Variants in EIPR1 observed in about 807,000 individuals in gnomAD.
The protein encoded by EIPR1 is EARP complex and GARP complex interacting protein 1.
In EIPR1, 25 loss-of-function variants were observed where a neutral mutation model predicts 48.1. The observed-to-expected ratio is 0.52, with a 90% CI of 0.38 to 0.73. EIPR1 has a LOEUF of 0.73. Among genes scored for constraint, EIPR1 ranks in the 30% least tolerant of loss-of-function variants. The pLI is 0.00. For synonymous variants in EIPR1, 204 were observed against 201.9 expected (o/e 1.01, Z -0.09); for missense variants, 415 against 506.2 (o/e 0.82, Z 1.73).
chr2:3,251,461 A>G (rs1274269460), intron 4 of EIPR1, among the ~76,000 whole-genome samples: 1 of 152,232 alleles, frequency 6.6e-6, no homozygotes, highest in African/African-American at 2.4e-5. Flanking sequence ...AAAGAATCCG[A>G]GGCCCCACAA....
intron 3 of EIPR1, among the ~76,000 whole-genome samples, chr2:3,284,133 A>T (rs1269162564): frequency 6.6e-6 from 1 of 151,722 alleles, no homozygotes; most frequent in Non-Finnish European, 1.5e-5. Flanking sequence ...AGGTGGGCAC[A>T]TGGAGATGGG....
intron 1 of EIPR1, among the ~76,000 whole-genome samples, chr2:3,360,415 A>AAAAGAAAG (rs540894721): frequency 2.7e-5 from 4 of 150,148 alleles, no homozygotes; most frequent in African/African-American, 9.8e-5. Flanking sequence ...AAAAAAAAAA[A>AAAAGAAAG]AAAGAAAGAA....
Position 3,237,221 on chromosome 2 carries a change from TACACACACACACACACAC to T in EIPR1, c.416+20060_416+20077del, listed in dbSNP as rs35498711. 2.0e-3 allele frequency among the ~76,000 whole-genome samples: 260 copies of T among 127,840 alleles called. 1 individual carries two copies. The highest frequency in any genetic ancestry group is 4.2e-3 in the Middle Eastern group (1 of 236). The allele number at this position is 127,840 out of a possible 152,430, so 83.9% of individuals were successfully genotyped here. A position where few individuals can be genotyped will look rare whatever the true frequency, so the allele number is the denominator to read the frequency against. On this transcript the variant is annotated intron_variant, in intron 4 of 8. Transcript: ENST00000382125. ...CAGGATTAAGCTGTATTTTGAAAAC[TACACACACACACACACAC>T]ACACACACACACACACACACACACA...
chr2:3,295,565 C>A (rs4854172), intron 3 of EIPR1, among the ~76,000 whole-genome samples: 11,578 of 74,290 alleles, frequency 0.16, 1,338 homozygotes, highest in Non-Finnish European at 0.17. Context: ...CATCCTCTCT[C>A]CACACACACA....
At chr2:3,295,655 CG>C (rs1668548042) in intron 3 of EIPR1, among the ~76,000 whole-genome samples, 1 of 136,228 alleles carries the variant, frequency 7.3e-6, no homozygotes, top group African/African-American at 2.9e-5. Flanking sequence ...CCATCCAGCC[CG>C]TCCTCTCTAC....
chr2:3,283,812 G>A (rs1402583027), intron 3 of EIPR1, among the ~76,000 whole-genome samples: 3 of 151,994 alleles, frequency 2.0e-5, no homozygotes, highest in South Asian at 2.1e-4. Context: ...GCGTGGTGGC[G>A]GCTGTCTGTA....
rs559486919 is a variant in EIPR1, at chr2:3,216,253, T to C, written c.417-2005A>G. Among the ~76,000 whole-genome samples, 4 of 152,288 alleles carry C rather than the reference T, an allele frequency of 2.6e-5. No homozygotes were observed. The East Asian group carries it at 7.7e-4, about 29-fold the overall frequency. On this transcript the variant is annotated intron_variant, in intron 4 of 8. Coordinates refer to ENST00000382125, the MANE Select transcript of EIPR1 (RefSeq NM_003310.5). Reference sequence around the variant, plus strand: ...TACCCCATGCGGGACATTTTCTATATGACGGGCAGTAAATTTCCATGGATT... The same window carrying C: ...TACCCCATGCGGGACATTTTCTATACGACGGGCAGTAAATTTCCATGGATT...
chr2:3,225,816 C>A (rs1280529325), intron 4 of EIPR1, among the ~76,000 whole-genome samples: 2 of 152,210 alleles, frequency 1.3e-5, no homozygotes, highest in Non-Finnish European at 2.9e-5. Flanking sequence ...TCCCACCAGC[C>A]TCTGGTAACC....
intron 5 of EIPR1, among the ~76,000 whole-genome samples, chr2:3,205,232 C>A (rs1028115413): frequency 6.6e-6 from 1 of 152,240 alleles, no homozygotes; most frequent in African/African-American, 2.4e-5. Flanking sequence ...TCCTCAGGGA[C>A]TGACACTGCT....
At chr2:3,331,095 G>A (rs1374922423) in intron 3 of EIPR1, among the ~76,000 whole-genome samples, 2 of 136,318 alleles carry the variant, frequency 1.5e-5, no homozygotes, top group Admixed American at 7.2e-5. Flanking sequence ...GATGGTGTGA[G>A]CAGAGGCAGG....
At chr2:3,193,013 GGC>G (rs1664664146) in intron 7 of EIPR1, among the ~76,000 whole-genome samples, 1 of 152,248 alleles carries the variant, frequency 6.6e-6, no homozygotes, top group South Asian at 2.1e-4. Context: ...GGGGCACAAG[GGC>G]TGTCCTTGGT....
intron 4 of EIPR1, among the ~76,000 whole-genome samples, chr2:3,228,664 C>T (rs553487167): frequency 2.6e-5 from 4 of 152,216 alleles, no homozygotes; most frequent in Admixed American, 1.3e-4. Flanking sequence ...ATTATAATCC[C>T]CACAACCCCC....
chr2:3,374,320 C>G (rs1659798653), intron 1 of EIPR1, among the ~76,000 whole-genome samples: 1 of 152,068 alleles, frequency 6.6e-6, no homozygotes, highest in Non-Finnish European at 1.5e-5. Context: ...TAGGCATGGG[C>G]AAGGACTTCA....
rs1344816188 is a variant in EIPR1 at position 3,257,332 on chromosome 2, T to C, written c.383A>G (p.His128Arg). ...STAQTLELLC[H>R]LDNTAHGNMA... ...GTTGCCATGGGCTGTGTTGTCAAGGTGACAGAGCAGCTCCAGGGTCTGTGC... is the reference window on the plus strand; with the variant it reads ...GTTGCCATGGGCTGTGTTGTCAAGGCGACAGAGCAGCTCCAGGGTCTGTGC... Residue 128 changes from histidine (H) to arginine (R), a missense_variant, in exon 4 of 9, where the codon CAC (histidine) becomes CGC (arginine). Coordinates refer to ENST00000382125, the MANE Select transcript of EIPR1 (RefSeq NM_003310.5). 6 of 1,613,904 alleles carry C rather than the reference T, an allele frequency of 3.7e-6. No homozygotes were observed. Among genetic ancestry groups the C allele is most frequent in the South Asian group, 1.1e-5 (1 of 91,084 alleles).
intron 1 of EIPR1, among the ~76,000 whole-genome samples, chr2:3,364,976 A>G (rs1023574093): frequency 6.6e-6 from 1 of 152,208 alleles, no homozygotes; most frequent in African/African-American, 2.4e-5. Context: ...GCTAAAAGAG[A>G]ATAATTTGAA....
At chr2:3,219,444 A>ATGC (rs986483966) in intron 4 of EIPR1, among the ~76,000 whole-genome samples, 1 of 150,414 alleles carries the variant, frequency 6.6e-6, no homozygotes, top group African/African-American at 2.5e-5. Context: ...CGGCCCTGAT[A>ATGC]TGCTCTAGAG....
chr2:3,249,856 G>C (rs147484237), intron 4 of EIPR1, among the ~76,000 whole-genome samples: 1 of 152,174 alleles, frequency 6.6e-6, no homozygotes, highest in African/African-American at 2.4e-5. Flanking sequence ...GTACAGTTCC[G>C]GCAGGTGCAA....
At chr2:3,222,463 A>G (rs1665926226) in intron 4 of EIPR1, among the ~76,000 whole-genome samples, 1 of 152,258 alleles carries the variant, frequency 6.6e-6, no homozygotes, top group South Asian at 2.1e-4. Flanking sequence ...TGAAGAAAAA[A>G]TATAATTCAA....
At chr2:3,198,695 C>T (rs938123504) in intron 5 of EIPR1, among the ~76,000 whole-genome samples, 1 of 152,092 alleles carries the variant, frequency 6.6e-6, no homozygotes. Flanking sequence ...GCCCCGTGAG[C>T]CGTAAAACCA....
Sources: allele counts gnomAD v4.1 joint callset (sites outside exome capture counted in the v4.1 genomes callset), GRCh38; gene constraint gnomAD v4.1.1; transcripts MANE v1.5; gene names NCBI Gene and HGNC (gene_info 2026-07-23, HGNC 2026-07-21).